Variants in LRMDA observed in about 807,000 individuals in gnomAD.
LRMDA encodes the protein leucine rich melanocyte differentiation associated, also known as leucine-rich melanocyte differentiation-associated protein.
Under a neutral mutation model 29.8 loss-of-function variants are expected in LRMDA, and 18 were observed. The observed-to-expected ratio is 0.60, with a 90% CI of 0.42 to 0.90. The LOEUF is 0.90. LRMDA is among the 40% of genes least tolerant of loss of function. The probability of loss-of-function intolerance (pLI) is 0.00; values close to 1 mark genes in which losing one functional copy is unlikely to be tolerated. For missense variants in LRMDA, 273 were observed against 273.9 expected (o/e 1.00, Z 0.02); for synonymous variants, 125 against 109.4 (o/e 1.14, Z -0.89).
chr10:76,130,252 G>A (rs928853741), intron 5 of LRMDA, among the ~76,000 whole-genome samples: 4 of 151,966 alleles, frequency 2.6e-5, no homozygotes, highest in Non-Finnish European at 1.5e-5. Context: ...ACCTCTAGCC[G>A]TAAATATTCA....
At chr10:76,333,729 T>TG in intron 6 of LRMDA, among the ~76,000 whole-genome samples, 1 of 152,332 alleles carries the variant, frequency 6.6e-6, no homozygotes, top group Admixed American at 6.5e-5. Context: ...AGGATAATGT[T>TG]ACAATAATCC....
chr10:75,451,358 A>G lies in LRMDA; in HGVS notation c.131+12864A>G, dbSNP rs538412200. ...TTCATTTGCTGAAGCCACATCCGCC[A>G]GTTTGCCGAGAATCACCTCTCGACA... On this transcript the variant is annotated intron_variant, in intron 2 of 6. Transcript: ENST00000611255. 5 of 152,310 alleles carry G rather than the reference A, an allele frequency of 3.3e-5. No individual in the cohort carries two copies. The South Asian group carries it at 1.0e-3, about 32-fold the overall frequency. The allele number at this position is 152,310 out of a possible 1,614,324, so 9.4% of individuals were successfully genotyped here.
At chr10:75,537,222 A>G (rs765198706) in intron 2 of LRMDA, among the ~76,000 whole-genome samples, 25 of 152,128 alleles carry the variant, frequency 1.6e-4, no homozygotes, top group Non-Finnish European at 3.1e-4. Flanking sequence ...TTGCCTCATT[A>G]TTATAACGTG....
intron 5 of LRMDA, among the ~76,000 whole-genome samples, chr10:76,250,639 C>T (rs180764783): frequency 7.2e-5 from 11 of 152,314 alleles, no homozygotes; most frequent in African/African-American, 2.6e-4. Context: ...GACATTCTTT[C>T]TGATGAATAA....
intron 5 of LRMDA, among the ~76,000 whole-genome samples, chr10:76,278,462 G>A (rs1007638816): frequency 2.6e-5 from 4 of 152,046 alleles, no homozygotes; most frequent in South Asian, 4.1e-4. Flanking sequence ...GCTGCTAATC[G>A]TCAGTGGATC....
At chr10:76,044,751 T>C (rs16932821) in intron 3 of LRMDA, among the ~76,000 whole-genome samples, 3,248 of 152,304 alleles carry the variant, frequency 0.021, 45 homozygotes, top group Middle Eastern at 0.044. Flanking sequence ...TGGCCATCTC[T>C]GGATGTTATT....
intron 2 of LRMDA, among the ~76,000 whole-genome samples, chr10:75,902,008 CT>C (rs1845682067): frequency 6.6e-6 from 1 of 152,128 alleles, no homozygotes; most frequent in South Asian, 2.1e-4. Flanking sequence ...TGAAGTACCC[CT>C]AACATTTGGG....
chr10:75,870,153 G>T (rs981119488), intron 2 of LRMDA, among the ~76,000 whole-genome samples: 2 of 151,830 alleles, frequency 1.3e-5, no homozygotes, highest in African/African-American at 4.8e-5. Flanking sequence ...TTTTTTGAAG[G>T]TTGAAAAAAA....
chr10:75,443,155 G>A (rs184052608), intron 2 of LRMDA, among the ~76,000 whole-genome samples: 1 of 152,238 alleles, frequency 6.6e-6, no homozygotes, highest in Admixed American at 6.5e-5. Context: ...TGCAAACAGA[G>A]ACAATTTTAC....
intron 2 of LRMDA, among the ~76,000 whole-genome samples, chr10:75,981,197 G>A (rs530339668): frequency 1.2e-4 from 18 of 152,138 alleles, no homozygotes; most frequent in Non-Finnish European, 2.6e-4. Context: ...TTGCTGGCTT[G>A]GTGTGTGTCT....
At chr10:76,367,695 G>A (rs1356909422) in intron 6 of LRMDA, among the ~76,000 whole-genome samples, 1 of 152,028 alleles carries the variant, frequency 6.6e-6, no homozygotes, top group Non-Finnish European at 1.5e-5. Context: ...TGATCCACCT[G>A]CCTCGGCCTC....
At chr10:76,549,208 C>G (rs1843458486) in intron 6 of LRMDA, among the ~76,000 whole-genome samples, 1 of 152,116 alleles carries the variant, frequency 6.6e-6, no homozygotes, top group Non-Finnish European at 1.5e-5. Flanking sequence ...TGAGCCTGCC[C>G]ACTCTGTGAC....
At chr10:76,331,680 TG>T (rs2132407812) in intron 6 of LRMDA, among the ~76,000 whole-genome samples, 1 of 152,362 alleles carries the variant, frequency 6.6e-6, no homozygotes, top group South Asian at 2.1e-4. Context: ...CTTGACTGTG[TG>T]GGGGAAGAGT....
chr10:76,489,488 T>C (rs1842812549), intron 6 of LRMDA, among the ~76,000 whole-genome samples: 1 of 151,942 alleles, frequency 6.6e-6, no homozygotes. Flanking sequence ...ATCTTTTGTA[T>C]TGTTTTTGCA....
rs200376777 is a variant in LRMDA, at chr10:75,775,851, C to T, written c.132-260157C>T. ...AGAGATCTCCAGCGTAGAGGTAGAC[C>T]TGGAAACATGACAAGTGCAGGCCTT... is the stretch of plus-strand genomic sequence containing the variant. On this transcript the variant is annotated intron_variant, in intron 2 of 6. Transcript: ENST00000611255. Among the ~76,000 whole-genome samples, 22 of 152,274 alleles carry T rather than the reference C, an allele frequency of 1.4e-4. No homozygotes were observed. In the East Asian group the frequency reaches 4.2e-3, roughly 29 times the overall value.
intron 5 of LRMDA, among the ~76,000 whole-genome samples, chr10:76,087,119 A>C (rs1016733099): frequency 1.3e-5 from 2 of 152,168 alleles, no homozygotes; most frequent in African/African-American, 4.8e-5. Flanking sequence ...AGACATTCAG[A>C]TCTGCCTGGT....
At chr10:76,486,838 G>T (rs778662447) in intron 6 of LRMDA, among the ~76,000 whole-genome samples, 10 of 151,976 alleles carry the variant, frequency 6.6e-5, no homozygotes, top group Non-Finnish European at 8.8e-5. Context: ...TGGAAGCTCA[G>T]GTCTCTGGAT....
At chr10:75,500,108 G>A (rs2132068437) in intron 2 of LRMDA, among the ~76,000 whole-genome samples, 1 of 152,120 alleles carries the variant, frequency 6.6e-6, no homozygotes, top group African/African-American at 2.4e-5. Flanking sequence ...ATGTCAAATA[G>A]CCCCACACTG....
chr10:76,273,770 C>G (rs1840096798), intron 5 of LRMDA, among the ~76,000 whole-genome samples: 1 of 152,108 alleles, frequency 6.6e-6, no homozygotes, highest in South Asian at 2.1e-4. Context: ...TGTTTCCCAT[C>G]CAGTATCCCT....
Sources: allele counts gnomAD v4.1 joint callset (sites outside exome capture counted in the v4.1 genomes callset), GRCh38; gene constraint gnomAD v4.1.1; transcripts MANE v1.5; gene names NCBI Gene and HGNC (gene_info 2026-07-23, HGNC 2026-07-21).